Variants in MYO9A observed in about 807,000 individuals in gnomAD.
MYO9A encodes unconventional myosin-IXa.
In MYO9A, 103 loss-of-function variants were observed where a neutral mutation model predicts 293.3. The ratio of observed to expected loss-of-function variants is 0.35; its 90% CI spans 0.30 to 0.41. The LOEUF is 0.41. Ranked by LOEUF, MYO9A falls within the 10% of genes least tolerant of loss-of-function variation. The probability of loss-of-function intolerance (pLI) is 1.00; values close to 1 mark genes in which losing one functional copy is unlikely to be tolerated. For synonymous variants in MYO9A, 1,001 were observed against 1,035.7 expected (o/e 0.97, Z 0.64); for missense variants, 2,685 against 3,033.0 (o/e 0.89, Z 2.69).
At chr15:71,888,278 T>C (rs1045200032) in intron 26 of MYO9A, 162 bp from the exon 27 acceptor site, 101 of 400,822 alleles carry the variant, frequency 2.5e-4, no homozygotes, top group Middle Eastern at 1.3e-3. Context: ...GAAAACTCTA[T>C]ATAAAGTAAT....
intron 1 of MYO9A, among the ~76,000 whole-genome samples, chr15:72,089,821 G>A (rs1457605679): frequency 6.6e-6 from 1 of 152,124 alleles, no homozygotes; most frequent in African/African-American, 2.4e-5. Flanking sequence ...CAACAGCAAT[G>A]TTGTCATACC....
chr15:72,108,760 A>G (rs2415131), intron 1 of MYO9A, among the ~76,000 whole-genome samples: 139,989 of 146,246 alleles, frequency 0.96, 67,181 homozygotes, highest in East Asian at 1. Context: ...CATGACACAT[A>G]CATTTTTTTT....
intron 15 of MYO9A, among the ~76,000 whole-genome samples, chr15:71,942,378 T>C (rs1166839864): frequency 6.6e-6 from 1 of 152,188 alleles, no homozygotes; most frequent in East Asian, 1.9e-4. Context: ...TTATATGCTT[T>C]AGGTTTGTCT....
chr15:71,914,858 T>C (rs955668281), intron 19 of MYO9A, among the ~76,000 whole-genome samples: 5 of 152,186 alleles, frequency 3.3e-5, no homozygotes, highest in African/African-American at 4.8e-5. Flanking sequence ...TAAGTTTTTA[T>C]TGTACTAGCT....
intron 19 of MYO9A, among the ~76,000 whole-genome samples, chr15:71,913,281 C>T (rs2057913836): frequency 6.6e-6 from 1 of 151,896 alleles, no homozygotes; most frequent in Non-Finnish European, 1.5e-5. Flanking sequence ...TCAAATATTA[C>T]ATATTTAATC....
intron 13 of MYO9A, among the ~76,000 whole-genome samples, chr15:71,961,733 AT>A (rs372477462): frequency 1.2e-3 from 181 of 148,984 alleles, no homozygotes; most frequent in African/African-American, 3.8e-3. Flanking sequence ...CACCATATAG[AT>A]TTTTTTTTTT....
chr15:71,848,492 G>A (rs920044413), intron 39 of MYO9A, among the ~76,000 whole-genome samples: 1 of 151,984 alleles, frequency 6.6e-6, no homozygotes. Flanking sequence ...AAAGTGACAC[G>A]ATTAAAGGCG....
chr15:72,058,416 C>A (rs1480874875), intron 1 of MYO9A, among the ~76,000 whole-genome samples: 3 of 151,922 alleles, frequency 2.0e-5, no homozygotes, highest in Admixed American at 6.6e-5. Flanking sequence ...CAAAAATAAA[C>A]TATTACCTTT....
At chr15:71,976,989 C>T (rs1465094152) in intron 12 of MYO9A, among the ~76,000 whole-genome samples, 1 of 152,054 alleles carries the variant, frequency 6.6e-6, no homozygotes, top group African/African-American at 2.4e-5. Flanking sequence ...TCATAAAAAC[C>T]TCACAACCAC....
chr15:72,117,689 C>T lies in MYO9A; in HGVS notation c.-81G>A, dbSNP rs1434343323. ...CTTGGGCGGGTCTTACCTCGGGCTCCGCCGCGGTGGCCACCGCAGCCCCCT... is the reference window on the plus strand; with the variant it reads ...CTTGGGCGGGTCTTACCTCGGGCTCTGCCGCGGTGGCCACCGCAGCCCCCT... On this transcript the variant is annotated 5_prime_UTR_variant, in exon 1 of 42. Transcript: ENST00000356056. The T allele has an allele frequency of 7.6e-6, 3 of 396,590 alleles. No individual in the cohort carries two copies. Among genetic ancestry groups the T allele is most frequent in the Non-Finnish European group, 1.3e-5 (3 of 225,108 alleles). 24.6% of individuals were successfully genotyped at this position (396,590 alleles called of 1,614,324 possible).
intron 1 of MYO9A, among the ~76,000 whole-genome samples, chr15:72,081,963 T>G (rs2079559276): frequency 6.6e-6 from 1 of 152,302 alleles, no homozygotes; most frequent in South Asian, 2.1e-4. Flanking sequence ...TGAAGTCTGG[T>G]AGATGCCTCC....
intron 19 of MYO9A, among the ~76,000 whole-genome samples, chr15:71,908,419 T>C (rs2057734069): frequency 6.6e-6 from 1 of 152,226 alleles, no homozygotes; most frequent in Non-Finnish European, 1.5e-5. Context: ...TGCCTCGGCC[T>C]CCCAAAGTGC....
At chr15:71,977,930 T>C (rs1166786731) in intron 12 of MYO9A, among the ~76,000 whole-genome samples, 1 of 151,928 alleles carries the variant, frequency 6.6e-6, no homozygotes. Flanking sequence ...CCAGCTACTT[T>C]GGAGGCTAAG....
At position 72,052,721 on chromosome 15, in the gene MYO9A, C is replaced by T. The variant is rs540134107; in HGVS notation, c.-71-6087G>A. Reference sequence around the variant, plus strand: ...TGCTTGAGGTATGCCTGATCCACAGCCTTGCAAGGAAGCCAGCGCCTATGC... The same window carrying T: ...TGCTTGAGGTATGCCTGATCCACAGTCTTGCAAGGAAGCCAGCGCCTATGC... On this transcript the variant is annotated intron_variant, in intron 1 of 41. Coordinates refer to ENST00000356056, the MANE Select transcript of MYO9A (RefSeq NM_006901.4). Among the ~76,000 whole-genome samples the T allele has an allele frequency of 3.9e-5, 6 of 152,300 alleles. No homozygotes were observed. The East Asian group carries it at 7.7e-4, about 20-fold the overall frequency.
intron 4 of MYO9A, among the ~76,000 whole-genome samples, 174 bp from the exon 5 acceptor site, chr15:72,021,191 G>A (rs1172113794): frequency 6.6e-6 from 1 of 152,076 alleles, no homozygotes; most frequent in African/African-American, 2.4e-5. Context: ...ATGATGTTTT[G>A]GATGTGGAAT....
rs2054442244 is a variant in MYO9A, at chr15:71,825,476, G to GTT, written c.*1102_*1103dup. ...ATAGTCTGAGAAAAGGAAGATAAAA[G>GTT]TTAGTTAGTTAGATAGGTCATATTA... is the stretch of plus-strand genomic sequence containing the variant. On this transcript the variant is annotated 3_prime_UTR_variant, in exon 42 of 42. Coordinates refer to ENST00000356056, the MANE Select transcript of MYO9A (RefSeq NM_006901.4). 6.6e-6 allele frequency: 1 copy of GTT among 151,926 alleles called. No individual in the cohort carries two copies. The highest frequency in any genetic ancestry group is 2.1e-4 in the South Asian group (1 of 4,782). 9.4% of individuals were successfully genotyped at this position (151,926 alleles called of 1,614,324 possible). A position where few individuals can be genotyped will look rare whatever the true frequency, so the allele number is the denominator to read the frequency against.
intron 11 of MYO9A, among the ~76,000 whole-genome samples, chr15:71,986,230 G>A (rs1227788753): frequency 6.6e-6 from 1 of 152,138 alleles, no homozygotes; most frequent in South Asian, 2.1e-4. Context: ...AAGTATACTG[G>A]AGAATGTGCA....
intron 1 of MYO9A, among the ~76,000 whole-genome samples, chr15:72,066,737 A>T (rs896755327): frequency 1.3e-5 from 2 of 151,942 alleles, no homozygotes. Flanking sequence ...AGAAATTTTT[A>T]ACTGTAAATA....
chr15:71,967,945 C>T, intron 13 of MYO9A, 39 bp downstream of exon 13: 1 of 1,571,760 alleles, frequency 6.4e-7, no homozygotes, highest in South Asian at 1.2e-5. Flanking sequence ...AAGAACACAT[C>T]TCTGCCCTGT....
Sources: allele counts gnomAD v4.1 joint callset (sites outside exome capture counted in the v4.1 genomes callset), GRCh38; gene constraint gnomAD v4.1.1; transcripts MANE v1.5; gene names NCBI Gene and HGNC (gene_info 2026-07-23, HGNC 2026-07-21).